The following SIM2 variants were observed in gnomAD, a reference collection of about 807,000 sequenced individuals.
SIM2 encodes the protein SIM bHLH transcription factor 2.
Under a neutral mutation model 64.8 loss-of-function variants are expected in SIM2, and 28 were observed. The ratio of observed to expected loss-of-function variants is 0.43; its 90% CI spans 0.32 to 0.59. The LOEUF (loss-of-function observed/expected upper bound fraction) is 0.59, where lower values mean the gene tolerates loss of function less well. Ranked by LOEUF, SIM2 falls within the 20% of genes least tolerant of loss-of-function variation. The pLI is 0.07. For synonymous variants in SIM2, 408 were observed against 391.1 expected, an observed-to-expected ratio of 1.04 and a Z score of -0.51; for missense variants, 847 against 871.4, an observed-to-expected ratio of 0.97 and a Z score of 0.35.
chr21:36,742,000 A>C, intron 8 of SIM2, 136 bp downstream of exon 8: 1 of 1,029,116 alleles, frequency 9.7e-7, no homozygotes, highest in Non-Finnish European at 1.3e-6. Context: ...TCTTTTTTTT[A>C]ATTTTTTTTT....
intron 6 of SIM2, among the ~76,000 whole-genome samples, chr21:36,728,877 G>A (rs1435971194): frequency 2.0e-5 from 3 of 152,242 alleles, no homozygotes; most frequent in African/African-American, 4.8e-5. Context: ...GCCACACCCC[G>A]CACAATCCCA....
chr21:36,703,245 G>A (rs952641734), intron 1 of SIM2, among the ~76,000 whole-genome samples: 2 of 152,198 alleles, frequency 1.3e-5, no homozygotes, highest in African/African-American at 2.4e-5. Flanking sequence ...ACCAGGGTAA[G>A]CACCCCACTT....
rs1393286274 is a variant in SIM2, at chr21:36,745,868, C to G, written c.1576+732C>G. On this transcript the variant is annotated intron_variant, in intron 10 of 10. Coordinates refer to ENST00000290399, the MANE Select transcript of SIM2 (RefSeq NM_005069.6). The surrounding 1 kb of genome is among the most constrained non-coding windows in gnomAD (Gnocchi z 4.8). ...ACTGACTCCTGTTTGCTCGCTGGAC[C>G]AACCCCAGGCAGAAGGTGGAAGGTG... 3.1e-6 allele frequency: 4 copies of G among 1,302,026 alleles called. No homozygotes were observed. Among genetic ancestry groups the G allele is most frequent in the Non-Finnish European group, 4.1e-6 (4 of 987,452 alleles). The allele number at this position is 1,302,026 out of a possible 1,614,324, so 80.7% of individuals were successfully genotyped here. A position where few individuals can be genotyped will look rare whatever the true frequency, so the allele number is the denominator to read the frequency against.
rs146003844 is a variant in SIM2 at position 36,731,226 on chromosome 21, G to A, written c.850+75G>A. 50 of 1,058,732 alleles carry A rather than the reference G, an allele frequency of 4.7e-5. No homozygotes were observed. The East Asian group carries it at 9.8e-4, about 21-fold the overall frequency. 65.6% of individuals were successfully genotyped at this position (1,058,732 alleles called of 1,614,324 possible). On this transcript the variant is annotated intron_variant, in intron 7 of 10. Coordinates refer to ENST00000290399, the MANE Select transcript of SIM2 (RefSeq NM_005069.6). ...GGCGCTGAGGACAGAGCCGGGGGAC[G>A]TGTCCCTTTTGTTGGTGCAATAATC...
intron 1 of SIM2, among the ~76,000 whole-genome samples, chr21:36,700,583 G>A (rs559643651): frequency 2.0e-5 from 3 of 149,154 alleles, no homozygotes; most frequent in Non-Finnish European, 3.0e-5. Flanking sequence ...CCCTCTTTTT[G>A]TCTCTTCTGG....
intron 7 of SIM2, among the ~76,000 whole-genome samples, chr21:36,736,290 CCT>C (rs1471635084): frequency 6.6e-6 from 1 of 151,938 alleles, no homozygotes; most frequent in Non-Finnish European, 1.5e-5. Context: ...GTCACTGTCC[CCT>C]CTTCTGGGGC....
intron 7 of SIM2, among the ~76,000 whole-genome samples, chr21:36,733,580 G>A: frequency 7.5e-6 from 1 of 133,660 alleles, no homozygotes; most frequent in South Asian, 2.3e-4. Context: ...TTTTTTTTCA[G>A]ACAGAGTCTT....
chr21:36,713,027 G>A (rs1405921420), intron 3 of SIM2, among the ~76,000 whole-genome samples: 6 of 152,196 alleles, frequency 3.9e-5, no homozygotes. Flanking sequence ...AAGCTGATGT[G>A]GAACATGGAT....
Position 36,699,885 on chromosome 21 carries a change from A to G in SIM2, c.139A>G (p.Thr47Ala). 1.2e-6 allele frequency: 2 copies of G among 1,607,452 alleles called. No individual in the cohort carries two copies. Among genetic ancestry groups the G allele is most frequent in the South Asian group, 1.1e-5 (1 of 89,612 alleles). Reference protein sequence around the residue: ...LDKASIIRLTTSYLKMRAVFP... With the variant: ...LDKASIIRLTASYLKMRAVFP... ...CAAAGCGTCCATCATCCGCCTCACC[A>G]CGAGCTACCTGAAGATGCGCGCCGT... The change falls in exon 1 of 11, where the codon ACG becomes GCG. Residue 47 changes from threonine to alanine, a missense_variant. Thr to Ala is a moderately conservative substitution (Grantham distance 58). This residue lies in a region of SIM2 where 397 missense variants were observed against 439.2 expected (regional missense o/e 0.90). Coordinates refer to ENST00000290399, the MANE Select transcript of SIM2 (RefSeq NM_005069.6). The surrounding 1 kb of genome is among the most constrained non-coding windows in gnomAD (Gnocchi z 5.6).
At position 36,726,369 on chromosome 21, in the gene SIM2, G is replaced by A; in HGVS notation, c.743+51G>A. 6.6e-7 allele frequency: 1 copy of A among 1,507,374 alleles called. No homozygotes were observed. The highest frequency in any genetic ancestry group is 9.1e-7 in the Non-Finnish European group (1 of 1,100,730). 93.4% of individuals were successfully genotyped at this position (1,507,374 alleles called of 1,614,324 possible). A position where few individuals can be genotyped will look rare whatever the true frequency, so the allele number is the denominator to read the frequency against. The stretch of plus-strand genomic sequence containing the variant: ...CTGTGGCCTTCTGGAAGACACCGGT[G>A]GTGGAAATGGGTCCCTGAAAGCTGC... On this transcript the variant is annotated intron_variant, in intron 6 of 10. Coordinates refer to ENST00000290399, the MANE Select transcript of SIM2 (RefSeq NM_005069.6). This position sits in a 1 kb window ranked among gnomAD's most constrained non-coding sequence, Gnocchi z 4.5.
chr21:36,699,738 C>A lies in SIM2; in HGVS notation c.-9C>A. 6.2e-7 allele frequency: 1 copy of A among 1,611,814 alleles called. No homozygotes were observed. Among genetic ancestry groups the A allele is most frequent in the Non-Finnish European group, 8.5e-7 (1 of 1,178,956 alleles). ...CGGCCGGGTCTAATATGCCCGGAGC[C>A]GAGGCGCGATGAAGGAGAAGTCCAA... On this transcript the variant is annotated 5_prime_UTR_variant, in exon 1 of 11. Transcript: ENST00000290399. This position sits in a 1 kb window ranked among gnomAD's most constrained non-coding sequence, Gnocchi z 5.6.
chr21:36,739,617 C>G (rs1284118951), intron 7 of SIM2, among the ~76,000 whole-genome samples: 4 of 152,144 alleles, frequency 2.6e-5, no homozygotes, highest in African/African-American at 9.7e-5. Context: ...ACACACAGAC[C>G]TGCTCACAAT....
intron 3 of SIM2, among the ~76,000 whole-genome samples, chr21:36,718,966 G>GT (rs564808777): frequency 1.3e-5 from 2 of 152,322 alleles, no homozygotes; most frequent in African/African-American, 4.8e-5. Flanking sequence ...TGTAAAAATT[G>GT]TAACTATGAT....
Position 36,726,153 on chromosome 21 carries a change from A to T in SIM2, c.578A>T (p.Gln193Leu), listed in dbSNP as rs745602000. The T allele has an allele frequency of 1.2e-6, 2 of 1,613,846 alleles. No individual in the cohort carries two copies. The highest frequency in any genetic ancestry group is 2.2e-5 in the South Asian group (2 of 91,080). ...TGCAGTGGCTACTTGAAGATCAGGCAGTATATGCTGGACATGTCCCTGTAC... is the reference window on the plus strand; with the variant it reads ...TGCAGTGGCTACTTGAAGATCAGGCTGTATATGCTGGACATGTCCCTGTAC... The part of the protein sequence containing the change: ...IHCSGYLKIR[Q>L]YMLDMSLYDS... The change falls in exon 6 of 11, where the codon CAG becomes CTG. Residue 193 changes from glutamine to leucine, a missense_variant. By Grantham distance (113) the Gln-to-Leu change is moderately radical (BLOSUM62 -2). Coordinates refer to ENST00000290399, the MANE Select transcript of SIM2 (RefSeq NM_005069.6). The surrounding 1 kb of genome is among the most constrained non-coding windows in gnomAD (Gnocchi z 4.5).
intron 1 of SIM2, among the ~76,000 whole-genome samples, chr21:36,708,056 G>C (rs2088613534): frequency 6.6e-6 from 1 of 151,942 alleles, no homozygotes; most frequent in African/African-American, 2.4e-5. Flanking sequence ...AGCTAGGCTC[G>C]TGGGCCGGGA....
chr21:36,747,173 G>A lies in SIM2; in HGVS notation c.1577-492G>A, dbSNP rs181330154. Among the ~76,000 whole-genome samples the A allele has an allele frequency of 6.3e-3, 960 of 152,016 alleles. 7 individuals are homozygous for A. Among genetic ancestry groups the A allele is most frequent in the African/African-American group, 0.022 (919 of 41,464 alleles). On this transcript the variant is annotated intron_variant, in intron 10 of 10. Coordinates refer to ENST00000290399, the MANE Select transcript of SIM2 (RefSeq NM_005069.6). This position sits in a 1 kb window ranked among gnomAD's most constrained non-coding sequence, Gnocchi z 4.5. Reference sequence around the variant, plus strand: ...GTGGTTACCACCCCTCTCCACTAAGGGACGGGCAGAAGAAATCAGAGCAGA... The same window carrying A: ...GTGGTTACCACCCCTCTCCACTAAGAGACGGGCAGAAGAAATCAGAGCAGA...
chr21:36,716,077 G>A (rs564248061), intron 3 of SIM2, among the ~76,000 whole-genome samples: 13 of 152,322 alleles, frequency 8.5e-5, no homozygotes, highest in South Asian at 6.2e-4. Flanking sequence ...GGGCACACTC[G>A]CACACGTGTC....
intron 1 of SIM2, among the ~76,000 whole-genome samples, chr21:36,707,394 G>A (rs1209149414): frequency 6.6e-6 from 1 of 152,100 alleles, no homozygotes; most frequent in Non-Finnish European, 1.5e-5. Context: ...GGGTGAGCGC[G>A]ATTTCCCGGG....
rs939488040 is a variant in SIM2 at position 36,747,092 on chromosome 21, G to A, written c.1577-573G>A. On this transcript the variant is annotated intron_variant, in intron 10 of 10. Transcript: ENST00000290399. This position sits in a 1 kb window ranked among gnomAD's most constrained non-coding sequence, Gnocchi z 4.5. ...AGGGAGCTACTTAATGTCAGGCATC[G>A]GACTGAGTAGATGGGAGTGGTTATT... Among the ~76,000 whole-genome samples the A allele has an allele frequency of 2.9e-5, 4 of 138,654 alleles. No homozygotes were observed. Among genetic ancestry groups the A allele is most frequent in the Non-Finnish European group, 6.2e-5 (4 of 64,248 alleles). The allele number at this position is 138,654 out of a possible 152,430, so 91.0% of individuals were successfully genotyped here. A position where few individuals can be genotyped will look rare whatever the true frequency, so the allele number is the denominator to read the frequency against.
Sources: allele counts gnomAD v4.1 joint callset (sites outside exome capture counted in the v4.1 genomes callset), GRCh38; gene constraint gnomAD v4.1.1; regional missense constraint gnomAD v4.1.1; non-coding constraint Gnocchi (gnomAD v3.1); transcripts MANE v1.5; gene names NCBI Gene and HGNC (gene_info 2026-07-23, HGNC 2026-07-21).